The following TSNAX variants were observed in gnomAD, a reference collection of about 807,000 sequenced individuals.
TSNAX encodes translin-associated protein X.
Under a neutral mutation model 33.0 loss-of-function variants are expected in TSNAX, and 12 were observed. That is an observed-to-expected ratio of 0.36 (90% CI 0.23 to 0.59). The LOEUF is 0.59. TSNAX is among the 20% of genes least tolerant of loss of function. The pLI, the probability that TSNAX is intolerant of heterozygous loss-of-function variation, is 0.74. For synonymous variants in TSNAX, 110 were observed against 117.2 expected (o/e 0.94, Z 0.40); for missense variants, 267 against 341.3 (o/e 0.78, Z 1.72).
chr1:231,555,987 G>C (rs1170735616), intron 4 of TSNAX, among the ~76,000 whole-genome samples: 12 of 152,030 alleles, frequency 7.9e-5, no homozygotes, highest in African/African-American at 2.9e-4. Context: ...ATGGAAGAGG[G>C]GAAAGAAAAG....
chr1:231,557,095 G>A (rs913925189), intron 4 of TSNAX, among the ~76,000 whole-genome samples: 2 of 152,110 alleles, frequency 1.3e-5, no homozygotes, highest in Non-Finnish European at 2.9e-5. Context: ...GAGAGAACCA[G>A]GTTTGGAAGG....
intron 4 of TSNAX, among the ~76,000 whole-genome samples, chr1:231,543,103 G>A (rs762885282): frequency 6.6e-6 from 1 of 151,692 alleles, no homozygotes; most frequent in African/African-American, 2.4e-5. Context: ...ACTTGAACCC[G>A]GGAGGTGGAG....
chr1:231,529,951 G>A lies in TSNAX; in HGVS notation c.121+592G>A, dbSNP rs564538802. ...TTTCTGTGATTAAGGAATCTGGGAA[G>A]GGCTTAGCTGGTTGATTCCTATTTG... On this transcript the variant is annotated intron_variant, in intron 2 of 5. Coordinates refer to ENST00000366639, the MANE Select transcript of TSNAX (RefSeq NM_005999.3). Among the ~76,000 whole-genome samples, 9 of 152,344 alleles carry A rather than the reference G, an allele frequency of 5.9e-5. No individual in the cohort carries two copies. In the South Asian group the frequency reaches 1.9e-3, roughly 32 times the overall value.
chr1:231,532,161 C>CACACACACACACACACACACAT lies in TSNAX; in HGVS notation c.121+2823_121+2824insTACACACACACACACACACACA, dbSNP rs1658784786. 2.2e-5 allele frequency among the ~76,000 whole-genome samples: 2 copies of CACACACACACACACACACACAT among 91,912 alleles called. 1 individual carries two copies. The highest frequency in any genetic ancestry group is 7.4e-5 in the African/African-American group (2 of 27,168). 60.3% of individuals were successfully genotyped at this position (91,912 alleles called of 152,430 possible). ...ACACACACACACACACACACACACACACACACACACACACACACACACACA... is the reference window on the plus strand; with the variant it reads ...ACACACACACACACACACACACACACACACACACACACACACACACATACACACACACACACACACACACACA... On this transcript the variant is annotated intron_variant, in intron 2 of 5. Coordinates refer to ENST00000366639, the MANE Select transcript of TSNAX (RefSeq NM_005999.3).
intron 1 of TSNAX, among the ~76,000 whole-genome samples, 154 bp from the exon 2 acceptor site, chr1:231,529,101 C>T (rs1027736867): frequency 2.6e-5 from 4 of 152,198 alleles, no homozygotes; most frequent in African/African-American, 9.6e-5. Context: ...CTTGGAAAGG[C>T]CTGGGCAGCG....
At chr1:231,528,849 G>A in intron 1 of TSNAX, 23 bp downstream of exon 1, 1 of 1,614,140 alleles carries the variant, frequency 6.2e-7, no homozygotes, top group Non-Finnish European at 8.5e-7. Context: ...ACAACACGGG[G>A]CGTTATTTAT....
intron 2 of TSNAX, among the ~76,000 whole-genome samples, chr1:231,532,730 C>T (rs1658848956): frequency 6.6e-6 from 1 of 151,920 alleles, no homozygotes; most frequent in Non-Finnish European, 1.5e-5. Context: ...GTACAGTATT[C>T]CCATTGTGAG....
intron 2 of TSNAX, among the ~76,000 whole-genome samples, chr1:231,529,768 G>C (rs189800642): frequency 6.6e-6 from 1 of 152,338 alleles, no homozygotes; most frequent in East Asian, 1.9e-4. Context: ...GTGGGAGCTT[G>C]TATCTATTAG....
At chr1:231,555,534 CTG>C (rs1387875936) in intron 4 of TSNAX, among the ~76,000 whole-genome samples, 2 of 152,146 alleles carry the variant, frequency 1.3e-5, no homozygotes, top group Non-Finnish European at 2.9e-5. Flanking sequence ...ATATGCTAAA[CTG>C]TACACTTAAA....
chr1:231,539,528 C>T (rs1659416186), intron 3 of TSNAX, among the ~76,000 whole-genome samples: 1 of 152,166 alleles, frequency 6.6e-6, no homozygotes, highest in Non-Finnish European at 1.5e-5. Flanking sequence ...AGGAATATGA[C>T]AGGAGACCTT....
intron 5 of TSNAX, 51 bp downstream of exon 5, chr1:231,561,306 A>C: frequency 7.4e-7 from 1 of 1,345,746 alleles, no homozygotes; most frequent in Non-Finnish European, 1.0e-6. Flanking sequence ...ATGTAACAGT[A>C]TGACGATTCT....
intron 2 of TSNAX, among the ~76,000 whole-genome samples, chr1:231,532,131 AACACACAC>A (rs745744924): frequency 0.027 from 2,269 of 85,056 alleles, 34 homozygotes; most frequent in African/African-American, 0.041. Context: ...TAGTGGTAAT[AACACACAC>A]ACACACACAC....
At chr1:231,532,296 A>G (rs1167933492) in intron 2 of TSNAX, among the ~76,000 whole-genome samples, 1 of 150,314 alleles carries the variant, frequency 6.7e-6, no homozygotes, top group Non-Finnish European at 1.5e-5. Flanking sequence ...GGCTCAAGTG[A>G]TCCTCCCACC....
At chr1:231,549,671 A>G (rs1660174629) in intron 4 of TSNAX, among the ~76,000 whole-genome samples, 1 of 152,222 alleles carries the variant, frequency 6.6e-6, no homozygotes, top group Non-Finnish European at 1.5e-5. Flanking sequence ...AGCCTGCTGC[A>G]TTATTGTGGC....
In TSNAX at chr1:231,529,326, A is replaced by C. The variant is rs1658494668; in HGVS notation, c.88A>C (p.Asn30His). 9 of 1,614,108 alleles carry C rather than the reference A, an allele frequency of 5.6e-6. No individual in the cohort carries two copies. In the East Asian group the frequency reaches 2.0e-4, roughly 36 times the overall value. ...HNQRREGKDVNSSSPVMLAFK... is the reference protein window; with the variant it reads ...HNQRREGKDVHSSSPVMLAFK... The stretch of plus-strand genomic sequence containing the variant: ...CCAAAGAAGAGAAGGGAAGGATGTT[A>C]ATTCATCTTCACCCGTGATGTTGGC... Residue 30 changes from asparagine (N) to histidine (H), a missense_variant, in exon 2 of 6, where the codon AAT becomes CAT. By Grantham distance (68) the Asn-to-His change is moderately conservative (BLOSUM62 1). Coordinates refer to ENST00000366639, the MANE Select transcript of TSNAX (RefSeq NM_005999.3).
chr1:231,553,677 C>CT (rs1373910825), intron 4 of TSNAX, among the ~76,000 whole-genome samples: 1 of 135,052 alleles, frequency 7.4e-6, no homozygotes, highest in Non-Finnish European at 1.6e-5. Context: ...TAATTTCTTT[C>CT]TTTCCTTTTT....
Position 231,564,743 on chromosome 1 carries a change from C to T in TSNAX, c.711C>T (p.Tyr237=), listed in dbSNP as rs767744383. Reference sequence around the variant, plus strand: ...CATTCATTGGCAACACTGGACCTTACGAGGTTTCTAAGAAGCTGTATACCT... The same window carrying T: ...CATTCATTGGCAACACTGGACCTTATGAGGTTTCTAAGAAGCTGTATACCT... ...GFSFIGNTGP[Y]EVSKKLYTLK... Residue 237 remains tyrosine (Y), a synonymous_variant, in exon 6 of 6, where the codon TAC becomes TAT. Coordinates refer to ENST00000366639, the MANE Select transcript of TSNAX (RefSeq NM_005999.3). The T allele has an allele frequency of 5.0e-6, 8 of 1,613,986 alleles. No individual in the cohort carries two copies. The highest frequency in any genetic ancestry group is 1.6e-4 in the Middle Eastern group (1 of 6,084).
intron 4 of TSNAX, among the ~76,000 whole-genome samples, chr1:231,543,616 C>T (rs1184259656): frequency 3.3e-5 from 5 of 152,094 alleles, no homozygotes; most frequent in African/African-American, 7.2e-5. Flanking sequence ...CTGCTTAATA[C>T]GAATACCCAG....
In TSNAX at chr1:231,557,390, T is replaced by C. The variant is rs1203544616; in HGVS notation, c.368-3738T>C. Among the ~76,000 whole-genome samples, 3 of 152,296 alleles carry C rather than the reference T, an allele frequency of 2.0e-5. 1 individual carries two copies. Among genetic ancestry groups the C allele is most frequent in the Non-Finnish European group, 1.5e-5 (1 of 68,020 alleles). ...AAAGAGGGGAAGTGGCACAAAATGCTGAATGCTGCCGAGATGAAGACGGAA... is the reference window on the plus strand; with the variant it reads ...AAAGAGGGGAAGTGGCACAAAATGCCGAATGCTGCCGAGATGAAGACGGAA... On this transcript the variant is annotated intron_variant, in intron 4 of 5. Transcript: ENST00000366639.
Sources: allele counts gnomAD v4.1 joint callset (sites outside exome capture counted in the v4.1 genomes callset), GRCh38; gene constraint gnomAD v4.1.1; transcripts MANE v1.5; gene names NCBI Gene and HGNC (gene_info 2026-07-23, HGNC 2026-07-21).